The following CEP128 variants were observed in gnomAD, a reference collection of about 807,000 sequenced individuals.
The protein encoded by CEP128 is centrosomal protein 128.
CEP128 carries 132 observed loss-of-function variants against 156.7 expected under a neutral mutation model. The observed-to-expected ratio is 0.84, with a 90% CI of 0.73 to 0.97. The LOEUF (loss-of-function observed/expected upper bound fraction) is 0.97, where lower values mean the gene tolerates loss of function less well. Among genes scored for constraint, CEP128 ranks in the 50% least tolerant of loss-of-function variants. The pLI is 0.00. For missense variants in CEP128, 1,252 were observed against 1,281.9 expected (o/e 0.98, Z 0.36); for synonymous variants, 469 against 448.9 (o/e 1.04, Z -0.57).
chr14:80,509,786 G>T (rs1566747413), intron 23 of CEP128, among the ~76,000 whole-genome samples: 2 of 151,964 alleles, frequency 1.3e-5, no homozygotes, highest in Non-Finnish European at 2.9e-5. Context: ...AATCCATTTT[G>T]ATTTGAATTT....
intron 8 of CEP128, among the ~76,000 whole-genome samples, chr14:80,878,351 T>C (rs1888379550): frequency 6.6e-6 from 1 of 152,160 alleles, no homozygotes; most frequent in Admixed American, 6.5e-5. Flanking sequence ...CTGTCTAAGC[T>C]ACTCAGGCAC....
At chr14:80,742,244 A>C (rs1404409495) in intron 19 of CEP128, among the ~76,000 whole-genome samples, 3 of 152,174 alleles carry the variant, frequency 2.0e-5, no homozygotes, top group Non-Finnish European at 4.4e-5. Context: ...GATTTTAAGA[A>C]TTAGGTAAAA....
intron 20 of CEP128, among the ~76,000 whole-genome samples, chr14:80,572,620 G>A (rs1891189892): frequency 6.6e-6 from 1 of 152,052 alleles, no homozygotes; most frequent in African/African-American, 2.4e-5. Context: ...AAATTACAGG[G>A]TGCCCACTGA....
intron 19 of CEP128, among the ~76,000 whole-genome samples, chr14:80,740,206 C>T (rs1898739298): frequency 6.6e-6 from 1 of 151,918 alleles, no homozygotes. Flanking sequence ...AAATATTTCA[C>T]ACGTCTACTG....
intron 8 of CEP128, among the ~76,000 whole-genome samples, chr14:80,877,574 A>G (rs1385569172): frequency 2.0e-5 from 3 of 152,220 alleles, no homozygotes; most frequent in Non-Finnish European, 4.4e-5. Flanking sequence ...GAACCAAAAT[A>G]ACTACAGGAG....
chr14:80,536,882 C>G (rs1022101311), intron 21 of CEP128, among the ~76,000 whole-genome samples: 1 of 152,062 alleles, frequency 6.6e-6, no homozygotes, highest in Admixed American at 6.6e-5. Context: ...CAGATGCCCA[C>G]TTAGAAGTGT....
intron 21 of CEP128, among the ~76,000 whole-genome samples, chr14:80,545,630 T>C (rs1376562710): frequency 6.6e-6 from 1 of 152,182 alleles, no homozygotes; most frequent in Non-Finnish European, 1.5e-5. Flanking sequence ...TGGACAGTTA[T>C]GGAAAATAAT....
At chr14:80,495,938 T>C (rs1039125579), downstream of CEP128, among the ~76,000 whole-genome samples, 1 of 152,172 alleles carries the variant, frequency 6.6e-6, no homozygotes, top group Non-Finnish European at 1.5e-5. Context: ...TAGAGTGATA[T>C]AGTTTATATG....
At chr14:80,568,053 TTA>T (rs1890989750) in intron 20 of CEP128, among the ~76,000 whole-genome samples, 1 of 152,206 alleles carries the variant, frequency 6.6e-6, no homozygotes, top group South Asian at 2.1e-4. Flanking sequence ...ATGGCATAAT[TTA>T]TGAGCAGGCT....
intron 19 of CEP128, among the ~76,000 whole-genome samples, chr14:80,701,188 C>G (rs958887246): frequency 6.6e-6 from 1 of 152,136 alleles, no homozygotes; most frequent in African/African-American, 2.4e-5. Flanking sequence ...AGGAAGAAGA[C>G]TCAAGACTTA....
At chr14:80,716,150 T>C (rs1897595833) in intron 19 of CEP128, among the ~76,000 whole-genome samples, 1 of 152,206 alleles carries the variant, frequency 6.6e-6, no homozygotes, top group Non-Finnish European at 1.5e-5. Flanking sequence ...GATTATTCAA[T>C]GAATTAAATA....
upstream of CEP128, among the ~76,000 whole-genome samples, chr14:80,945,200 TC>T (rs143880636): frequency 5.5e-3 from 835 of 152,300 alleles, 6 homozygotes; most frequent in African/African-American, 0.018. Context: ...TTTCTCTGTA[TC>T]CTCAGATAGG....
Position 80,580,419 on chromosome 14 carries a change from T to C in CEP128, c.2811A>G (p.Leu937=). The C allele has an allele frequency of 6.3e-7, 1 of 1,593,390 alleles. No individual in the cohort carries two copies. The highest frequency in any genetic ancestry group is 8.6e-7 in the Non-Finnish European group (1 of 1,163,216). ...LDEIHREKRD[L]LEETQRKDEE... ...CATCTTTTCTTTGGGTCTCTTCCAG[T>C]AGATCTGTAATAAGAAAGTAAAATA... is the stretch of plus-strand genomic sequence containing the variant. Residue 937 remains leucine, a synonymous_variant, in exon 20 of 25, where the codon CTA becomes CTG. Transcript: ENST00000555265.
chr14:80,597,804 G>T (rs1566802300), intron 19 of CEP128, among the ~76,000 whole-genome samples: 1 of 151,700 alleles, frequency 6.6e-6, no homozygotes, highest in Non-Finnish European at 1.5e-5. Context: ...GAAAATCAAT[G>T]TAATCCATTA....
intron 13 of CEP128, among the ~76,000 whole-genome samples, chr14:80,803,595 C>A (rs564809685): frequency 5.3e-5 from 8 of 152,016 alleles, no homozygotes; most frequent in Non-Finnish European, 1.2e-4. Flanking sequence ...CCCTTAATAC[C>A]AGTGTGAGTA....
chr14:80,807,399 A>G, intron 13 of CEP128, among the ~76,000 whole-genome samples: 1 of 152,340 alleles, frequency 6.6e-6, no homozygotes, highest in East Asian at 1.9e-4. Flanking sequence ...CGCTCTCTGC[A>G]GAAGCAAGAA....
intron 20 of CEP128, among the ~76,000 whole-genome samples, chr14:80,566,959 TG>T (rs1475766745): frequency 1.3e-5 from 2 of 151,660 alleles, no homozygotes; most frequent in East Asian, 3.9e-4. Context: ...TAAAGTGATA[TG>T]TCATGTTCTA....
At chr14:80,553,143 A>C (rs1890282479) in intron 21 of CEP128, among the ~76,000 whole-genome samples, 1 of 151,570 alleles carries the variant, frequency 6.6e-6, no homozygotes, top group Admixed American at 6.6e-5. Flanking sequence ...GATTTGTTAC[A>C]TAGGTACACA....
rs1022359640 is a variant in CEP128 at position 80,842,501 on chromosome 14, AAT to A, written c.763-1735_763-1734del. 2.6e-5 allele frequency among the ~76,000 whole-genome samples: 4 copies of A among 152,002 alleles called. 1 individual carries two copies. Among genetic ancestry groups the A allele is most frequent in the Admixed American group, 2.6e-4 (4 of 15,244 alleles). ...AAAATCTGACACTTAAGACCCATTA[AAT>A]ATATCAATGATGCACCTGTAAACAC... is the stretch of plus-strand genomic sequence containing the variant. On this transcript the variant is annotated intron_variant, in intron 9 of 24. Transcript: ENST00000555265.
Sources: allele counts gnomAD v4.1 joint callset (sites outside exome capture counted in the v4.1 genomes callset), GRCh38; gene constraint gnomAD v4.1.1; transcripts MANE v1.5; gene names NCBI Gene and HGNC (gene_info 2026-07-23, HGNC 2026-07-21).